The following LCORL variants were observed in gnomAD, a reference collection of about 807,000 sequenced individuals.
LCORL encodes the protein ligand dependent nuclear receptor corepressor like, also known as ligand-dependent nuclear receptor corepressor-like protein.
A neutral mutation model predicts 141.8 loss-of-function variants in LCORL; 41 were observed. The observed-to-expected ratio is 0.29, with a 90% CI of 0.23 to 0.38. The LOEUF is 0.38. Ranked by LOEUF, LCORL falls within the 10% of genes least tolerant of loss-of-function variation. The pLI, the probability that LCORL is intolerant of heterozygous loss-of-function variation, is 1.00. For missense variants in LCORL, 1,759 were observed against 2,035.0 expected, an observed-to-expected ratio of 0.86 and a Z score of 2.61; for synonymous variants, 618 against 694.1, an observed-to-expected ratio of 0.89 and a Z score of 1.72.
intron 4 of LCORL, among the ~76,000 whole-genome samples, chr4:17,932,790 T>C (rs552997002): frequency 4.3e-4 from 66 of 152,208 alleles, no homozygotes; most frequent in Non-Finnish European, 8.7e-4. Flanking sequence ...AGAGACCATA[T>C]TGCCTGCAAA....
chr4:17,883,731 T>C (rs763402093), intron 6 of LCORL: 1 of 1,538,000 alleles, frequency 6.5e-7, no homozygotes, highest in South Asian at 1.2e-5. Context: ...TACACAGGCT[T>C]GCTGCTGTTT....
intron 5 of LCORL, among the ~76,000 whole-genome samples, chr4:17,901,598 G>A (rs999976202): frequency 6.6e-6 from 1 of 152,072 alleles, no homozygotes; most frequent in Admixed American, 6.6e-5. Flanking sequence ...CAGCACACAA[G>A]GGAAACACAG....
intron 7 of LCORL, among the ~76,000 whole-genome samples, chr4:17,849,121 GAC>G (rs1723312189): frequency 6.6e-6 from 1 of 152,256 alleles, no homozygotes; most frequent in African/African-American, 2.4e-5. Context: ...CAAACAAAAA[GAC>G]AGCAGAAACC....
intron 1 of LCORL, among the ~76,000 whole-genome samples, chr4:18,015,320 C>A (rs184791642): frequency 1.6e-4 from 25 of 152,242 alleles, no homozygotes; most frequent in African/African-American, 5.5e-4. Flanking sequence ...CTGGTTAAGA[C>A]CAGTCTGTAG....
intron 5 of LCORL, among the ~76,000 whole-genome samples, chr4:17,889,034 G>A (rs1728696546): frequency 6.6e-6 from 1 of 152,002 alleles, no homozygotes; most frequent in Admixed American, 6.6e-5. Flanking sequence ...TCATAAAATA[G>A]AAATTATGGA....
intron 4 of LCORL, among the ~76,000 whole-genome samples, chr4:17,953,858 G>A (rs1454358394): frequency 1.3e-5 from 2 of 151,928 alleles, no homozygotes; most frequent in Non-Finnish European, 2.9e-5. Flanking sequence ...AGGAGTAAGG[G>A]AGAGTTTATA....
At chr4:17,842,240 C>T in exon 8 of LCORL, 1 of 1,316,050 alleles carries the variant, frequency 7.6e-7, no homozygotes, top group South Asian at 1.2e-5. Context: ...ATTTAGTTAG[C>T]CTAGAAACTA....
chr4:17,991,762 C>G (rs907967559), intron 1 of LCORL, among the ~76,000 whole-genome samples: 2 of 152,028 alleles, frequency 1.3e-5, no homozygotes, highest in African/African-American at 4.8e-5. Flanking sequence ...GGGCACAAGA[C>G]CAGCCCTGGA....
intron 4 of LCORL, among the ~76,000 whole-genome samples, chr4:17,948,458 G>C (rs965651368): frequency 2.6e-5 from 4 of 152,046 alleles, no homozygotes; most frequent in African/African-American, 9.7e-5. Flanking sequence ...TAACGGAGGA[G>C]ACAGGAGTAG....
intron 1 of LCORL, among the ~76,000 whole-genome samples, chr4:17,985,456 G>C (rs1436957598): frequency 6.6e-6 from 1 of 152,106 alleles, no homozygotes; most frequent in Non-Finnish European, 1.5e-5. Context: ...CTCCTCTGCT[G>C]GGTGCATATA....
chr4:17,842,115 T>TAA, exon 8 of LCORL: 1 of 517,600 alleles, frequency 1.9e-6, no homozygotes, highest in Admixed American at 3.4e-5. Flanking sequence ...CAAAATAAAT[T>TAA]AAGTTTTAAT....
intron 5 of LCORL, among the ~76,000 whole-genome samples, chr4:17,886,810 G>T (rs1052058339): frequency 6.6e-6 from 1 of 151,860 alleles, no homozygotes; most frequent in Non-Finnish European, 1.5e-5. Flanking sequence ...AACTGCCTAC[G>T]CATGTTATTA....
At chr4:17,904,052 T>TA (rs375705018) in intron 5 of LCORL, among the ~76,000 whole-genome samples, 21 of 151,752 alleles carry the variant, frequency 1.4e-4, no homozygotes, top group Admixed American at 6.6e-4. Flanking sequence ...CTGTTGCAGA[T>TA]AAAAAAAATA....
chr4:17,843,124 T>C, exon 8 of LCORL: 1 of 563,874 alleles, frequency 1.8e-6, no homozygotes, highest in East Asian at 3.3e-5. Context: ...TTCACTTTGC[T>C]AGATAGCCAA....
intron 1 of LCORL, among the ~76,000 whole-genome samples, chr4:18,012,894 C>T (rs1724032873): frequency 6.6e-6 from 1 of 152,160 alleles, no homozygotes; most frequent in African/African-American, 2.4e-5. Flanking sequence ...AACAAATATC[C>T]CTAGACCCCA....
rs761784734 is a variant in LCORL, at chr4:17,897,213, CTTTT to C, written c.683-11056_683-11053del. On this transcript the variant is annotated intron_variant, in intron 5 of 7. Transcript: ENST00000635767. Reference sequence around the variant, plus strand: ...AGACTTCTCTTTGATATACTGATTTCTTTTTTTTTTTTTTTTTTTTTTTTTTTTT... The same window carrying C: ...AGACTTCTCTTTGATATACTGATTTCTTTTTTTTTTTTTTTTTTTTTTTTT... 4.1e-4 allele frequency among the ~76,000 whole-genome samples: 26 copies of C among 63,986 alleles called. 4 individuals carry two copies. The highest frequency in any genetic ancestry group is 9.8e-4 in the African/African-American group (17 of 17,324). 42.0% of individuals were successfully genotyped at this position (63,986 alleles called of 152,430 possible).
At chr4:17,947,970 A>C (rs937859977) in intron 4 of LCORL, among the ~76,000 whole-genome samples, 1 of 151,996 alleles carries the variant, frequency 6.6e-6, no homozygotes, top group Non-Finnish European at 1.5e-5. Context: ...TCCTTGAAAG[A>C]TGATTTAGAG....
intron 1 of LCORL, among the ~76,000 whole-genome samples, chr4:17,982,099 CGTGTGT>C (rs57094203): frequency 0.22 from 30,262 of 136,370 alleles, 3,287 homozygotes; most frequent in Middle Eastern, 0.34. Context: ...AGTATTCCAT[CGTGTGT>C]GTGTGTGTGT....
intron 1 of LCORL, among the ~76,000 whole-genome samples, chr4:17,996,657 A>T (rs1720964559): frequency 6.6e-6 from 1 of 152,048 alleles, no homozygotes; most frequent in African/African-American, 2.4e-5. Flanking sequence ...TCCTCTGTAA[A>T]ATTTCCAGAG....
Sources: gnomAD v4.1 joint callset for allele counts (sites outside exome capture counted in the v4.1 genomes callset) on GRCh38, gnomAD v4.1.1 for gene constraint, MANE v1.5 for transcripts, NCBI Gene and HGNC (gene_info 2026-07-23, HGNC 2026-07-21) for gene names.